FBXO34: variants seen among roughly 807,000 people sequenced by gnomAD.
FBXO34 encodes the protein F-box protein 34.
FBXO34 carries 12 observed loss-of-function variants against 24.5 expected under a neutral mutation model. That is an observed-to-expected ratio of 0.49 (90% CI 0.31 to 0.79). The LOEUF is 0.79. FBXO34 is among the 30% of genes least tolerant of loss of function. FBXO34 has a pLI of 0.04. For missense variants in FBXO34, 823 were observed against 857.7 expected (o/e 0.96, Z 0.51); for synonymous variants, 320 against 311.9 (o/e 1.03, Z -0.27).
At chr14:55,387,113 C>G in the FBXO34 span, among the ~76,000 whole-genome samples, 2 of 152,080 alleles carry the variant, frequency 1.3e-5, no homozygotes, top group African/African-American at 2.4e-5. Context: ...CGACTCCACG[C>G]CTTCATGCCC....
intron 1 of FBXO34, among the ~76,000 whole-genome samples, chr14:55,323,184 C>CAA (rs368380622): frequency 0.016 from 197 of 12,100 alleles, 7 homozygotes; most frequent in Non-Finnish European, 0.021. Flanking sequence ...GACTCTGTCT[C>CAA]AAAAAAAAAA....
At chr14:55,398,804 T>C in the FBXO34 span, among the ~76,000 whole-genome samples, 1 of 151,902 alleles carries the variant, frequency 6.6e-6, no homozygotes, top group Non-Finnish European at 1.5e-5. Context: ...CAGCCACACA[T>C]GGCTACTGAG....
At chr14:55,337,166 G>T (rs1223358197) in intron 1 of FBXO34, among the ~76,000 whole-genome samples, 2 of 151,866 alleles carry the variant, frequency 1.3e-5, no homozygotes, top group East Asian at 3.9e-4. Context: ...TAGAGACAGG[G>T]TCTCACCATG....
chr14:55,384,768 C>T, the FBXO34 span, among the ~76,000 whole-genome samples: 1 of 152,184 alleles, frequency 6.6e-6, no homozygotes, highest in African/African-American at 2.4e-5. Flanking sequence ...GTGAGAGCAG[C>T]CAGAAGAGAC....
chr14:55,423,849 T>C, the FBXO34 span, among the ~76,000 whole-genome samples: 1,000 of 152,350 alleles, frequency 6.6e-3, 7 homozygotes, highest in Admixed American at 0.015. Flanking sequence ...GGACCTTGTG[T>C]GGCCATTAAA....
At chr14:55,338,767 A>G (rs991083859) in intron 1 of FBXO34, among the ~76,000 whole-genome samples, 1 of 152,026 alleles carries the variant, frequency 6.6e-6, no homozygotes, top group East Asian at 1.9e-4. Context: ...TTAGCTGGGC[A>G]TGGTGGCAGG....
chr14:55,436,620 T>C, the FBXO34 span: 13 of 1,614,076 alleles, frequency 8.1e-6, no homozygotes, highest in Admixed American at 8.3e-5. Context: ...TCATGGGAGT[T>C]ATGGATGCCA....
rs142821630 is a variant in FBXO34 at position 55,351,528 on chromosome 14, G to T, written c.1138G>T (p.Val380Leu). 2.7e-5 allele frequency: 43 copies of T among 1,614,078 alleles called. No individual in the cohort carries two copies. In the Admixed American group the frequency reaches 4.3e-4, roughly 16 times the overall value. The change falls in exon 2 of 2, where the codon GTG (valine) becomes TTG (leucine). Residue 380 changes from valine to leucine, a missense_variant. Physicochemically the swap from Val to Leu is conservative, Grantham distance 32 (BLOSUM62 1). Transcript: ENST00000313833. ...GGACTGCCCCCCATTGCCAGCAGGA[G>T]TGAGTTTCCACATAGACAGTGCAGA... The part of the protein sequence containing the change: ...SQDCPPLPAG[V>L]SFHIDSAELE...
intron 1 of FBXO34, among the ~76,000 whole-genome samples, chr14:55,323,198 A>T (rs1358558130): frequency 4.7e-5 from 2 of 42,116 alleles, no homozygotes; most frequent in Non-Finnish European, 7.1e-5. Flanking sequence ...AAAAAAAAAA[A>T]AAAAAAAAAA....
the FBXO34 span, among the ~76,000 whole-genome samples, chr14:55,428,108 A>T: frequency 8.5e-4 from 92 of 108,582 alleles, no homozygotes; most frequent in Non-Finnish European, 1.4e-3. Context: ...AGTCCATTTC[A>T]CATGCCTTAT....
chr14:55,352,523 C>A lies in FBXO34; in HGVS notation c.2133C>A (p.Tyr711Ter). The A allele has an allele frequency of 6.3e-7, 1 of 1,597,238 alleles. No individual in the cohort carries two copies. The highest frequency in any genetic ancestry group is 8.5e-7 in the Non-Finnish European group (1 of 1,171,822). ...AAGGGACTGAAGCTGAAGAGGAATA[C>A]TAAAGTCCATGTGAGAGGCAACAAA... is the stretch of plus-strand genomic sequence containing the variant. ...KAKGTEAEEE[Y>*] Residue 711 changes from tyrosine to a stop codon, truncating the protein, a stop_gained, in exon 2 of 2, where the codon TAC becomes TAA. Transcript: ENST00000313833. LOFTEE classifies it high-confidence loss of function.
At chr14:55,415,640 G>A in the FBXO34 span, among the ~76,000 whole-genome samples, 3 of 152,098 alleles carry the variant, frequency 2.0e-5, no homozygotes, top group Non-Finnish European at 4.4e-5. Flanking sequence ...CCAGGCAGGT[G>A]GATCACCTGA....
chr14:55,357,995 G>A (rs565185869), downstream of FBXO34, among the ~76,000 whole-genome samples: 10 of 152,264 alleles, frequency 6.6e-5, no homozygotes, highest in African/African-American at 2.4e-4. Flanking sequence ...CTGGTTCAAG[G>A]GTAGGGTTGG....
At chr14:55,272,560 C>T (rs1881191228) in intron 1 of FBXO34, among the ~76,000 whole-genome samples, 2 of 142,584 alleles carry the variant, frequency 1.4e-5, no homozygotes, top group Non-Finnish European at 1.5e-5. Context: ...CATCTATCTG[C>T]TTGTTAGCAT....
chr14:55,360,750 C>T (rs913981802), intron 3 of FBXO34, among the ~76,000 whole-genome samples: 3 of 152,134 alleles, frequency 2.0e-5, no homozygotes, highest in Non-Finnish European at 4.4e-5. Flanking sequence ...GTAATCCCAG[C>T]ACTTTGGGAG....
chr14:55,296,382 GTTTTTTTTGTTTTT>G (rs1324760573), intron 1 of FBXO34, among the ~76,000 whole-genome samples: 24 of 95,824 alleles, frequency 2.5e-4, no homozygotes, highest in African/African-American at 6.0e-4. Flanking sequence ...CTGTTCTTGT[GTTTTTTTTGTTTTT>G]TTTTTTTTTT....
chr14:55,358,364 G>A (rs1285782410), downstream of FBXO34, among the ~76,000 whole-genome samples: 1 of 152,178 alleles, frequency 6.6e-6, no homozygotes, highest in Non-Finnish European at 1.5e-5. Flanking sequence ...TAAGGGTGTA[G>A]ATATAGGGAC....
chr14:55,349,987 A>G (rs1884290940), intron 1 of FBXO34, among the ~76,000 whole-genome samples: 1 of 152,162 alleles, frequency 6.6e-6, no homozygotes, highest in African/African-American at 2.4e-5. Flanking sequence ...TTAAAAATCT[A>G]GTAGGGATCT....
the FBXO34 span, among the ~76,000 whole-genome samples, chr14:55,391,727 G>A: frequency 0.059 from 8,912 of 152,160 alleles, 325 homozygotes; most frequent in South Asian, 0.089. Flanking sequence ...ACTGGACAGC[G>A]CAGATACAGA....
Sources: allele counts gnomAD v4.1 joint callset (sites outside exome capture counted in the v4.1 genomes callset), GRCh38; gene constraint gnomAD v4.1.1; transcripts MANE v1.5; gene names NCBI Gene and HGNC (gene_info 2026-07-23, HGNC 2026-07-21).